Variants in CCSER1 observed in about 807,000 individuals in gnomAD.
The protein encoded by CCSER1 is coiled-coil serine rich protein 1, also known as serine-rich coiled-coil domain-containing protein 1.
A neutral mutation model predicts 82.0 loss-of-function variants in CCSER1; 41 were observed. The observed-to-expected ratio is 0.50, with a 90% CI of 0.39 to 0.65. The LOEUF is 0.65. CCSER1 is among the 30% of genes least tolerant of loss of function. The pLI is 0.00. For missense variants in CCSER1, 1,119 were observed against 1,064.2 expected, an observed-to-expected ratio of 1.05 and a Z score of -0.72; for synonymous variants, 414 against 383.9, an observed-to-expected ratio of 1.08 and a Z score of -0.92.
At chr4:90,653,319 G>A (rs553377383) in intron 6 of CCSER1, among the ~76,000 whole-genome samples, 19 of 152,144 alleles carry the variant, frequency 1.2e-4, no homozygotes, top group African/African-American at 3.9e-4. Flanking sequence ...GAAACACTGC[G>A]CAGTGGTATC....
intron 3 of CCSER1, among the ~76,000 whole-genome samples, chr4:90,335,339 T>C (rs890748197): frequency 3.9e-5 from 6 of 152,188 alleles, no homozygotes; most frequent in African/African-American, 1.4e-4. Flanking sequence ...TAAAGTGAAC[T>C]TAAAGATGAC....
At chr4:91,013,555 T>TC (rs56675924) in intron 9 of CCSER1, among the ~76,000 whole-genome samples, 1 of 131,376 alleles carries the variant, frequency 7.6e-6, no homozygotes, top group African/African-American at 2.5e-5. Context: ...TATATTTTTT[T>TC]GCTAGTCTGT....
intron 10 of CCSER1, among the ~76,000 whole-genome samples, chr4:91,090,144 A>G (rs941667290): frequency 1.3e-5 from 2 of 152,200 alleles, no homozygotes; most frequent in African/African-American, 4.8e-5. Flanking sequence ...TCAGGGGGCC[A>G]TTCATCATCT....
chr4:90,509,459 A>T (rs1771175561), intron 5 of CCSER1, among the ~76,000 whole-genome samples: 1 of 152,178 alleles, frequency 6.6e-6, no homozygotes, highest in Admixed American at 6.5e-5. Context: ...TAAGACAGTT[A>T]TACTGATTAA....
intron 4 of CCSER1, among the ~76,000 whole-genome samples, chr4:90,424,394 G>C (rs141925088): frequency 6.6e-6 from 1 of 152,138 alleles, no homozygotes; most frequent in East Asian, 1.9e-4. Context: ...AATCATGTTT[G>C]CTTTTTTGTT....
Position 91,602,356 on chromosome 4 carries a change from A to T in CCSER1, c.*3299A>T, listed in dbSNP as rs977248157. On this transcript the variant is annotated 3_prime_UTR_variant, in exon 11 of 11. Coordinates refer to ENST00000509176, the MANE Select transcript of CCSER1 (RefSeq NM_001145065.2). ...TGTTTAATAGAGATAATAACCATAC[A>T]CCCCTCTCCAGAAAAAAGTTTTTAA... Among the ~76,000 whole-genome samples the T allele has an allele frequency of 2.0e-5, 3 of 151,778 alleles. No homozygotes were observed. Among genetic ancestry groups the T allele is most frequent in the African/African-American group, 7.2e-5 (3 of 41,384 alleles).
chr4:90,648,523 G>A (rs574013720), intron 6 of CCSER1, among the ~76,000 whole-genome samples: 5 of 58,862 alleles, frequency 8.5e-5, no homozygotes, highest in African/African-American at 2.9e-4. Flanking sequence ...AACCACCAAT[G>A]TGACTGTATT....
chr4:91,234,637 T>A (rs1738865281), intron 10 of CCSER1, among the ~76,000 whole-genome samples: 1 of 152,104 alleles, frequency 6.6e-6, no homozygotes, highest in African/African-American at 2.4e-5. Flanking sequence ...CCATTTATAG[T>A]CCAGATGGAA....
intron 9 of CCSER1, among the ~76,000 whole-genome samples, chr4:91,046,594 T>A (rs1250803066): frequency 6.6e-6 from 1 of 152,222 alleles, no homozygotes; most frequent in African/African-American, 2.4e-5. Flanking sequence ...TCATTCACAC[T>A]ATGGATGAAC....
intron 6 of CCSER1, among the ~76,000 whole-genome samples, chr4:90,636,516 G>A (rs984887308): frequency 6.6e-6 from 1 of 151,896 alleles, no homozygotes; most frequent in Non-Finnish European, 1.5e-5. Flanking sequence ...TGTAAATAAT[G>A]ACCTATTTGC....
chr4:90,855,441 T>G (rs751965307), intron 8 of CCSER1, among the ~76,000 whole-genome samples: 2 of 152,128 alleles, frequency 1.3e-5, no homozygotes, highest in African/African-American at 2.4e-5. Flanking sequence ...TAAATAAATA[T>G]TTTGTTTATT....
chr4:90,603,469 G>A (rs1480556575), intron 5 of CCSER1, among the ~76,000 whole-genome samples: 1 of 152,130 alleles, frequency 6.6e-6, no homozygotes, highest in Admixed American at 6.5e-5. Flanking sequence ...ATATTTATTG[G>A]CACAATCTAG....
intron 3 of CCSER1, among the ~76,000 whole-genome samples, chr4:90,388,994 C>A (rs1328329901): frequency 6.6e-6 from 1 of 152,098 alleles, no homozygotes; most frequent in Non-Finnish European, 1.5e-5. Flanking sequence ...ATTGTATATT[C>A]AAAGATAAAC....
In CCSER1 at chr4:90,271,850, A is replaced by ATATATATG. The variant is rs1726459380; in HGVS notation, c.-41-36387_-41-36386insGTATATAT. 1.3e-4 allele frequency among the ~76,000 whole-genome samples: 3 copies of ATATATATG among 23,140 alleles called. No individual in the cohort carries two copies. In the African/African-American group the frequency reaches 1.4e-3, roughly 11 times the overall value. 15.2% of individuals were successfully genotyped at this position (23,140 alleles called of 152,430 possible). ...TTTATATATATATATATATATATAT[A>ATATATATG]TATATATATATATTTTTTTTTTTTT... On this transcript the variant is annotated intron_variant, in intron 1 of 10. Transcript: ENST00000509176.
chr4:90,691,542 T>C (rs555706208), intron 6 of CCSER1, among the ~76,000 whole-genome samples: 6 of 138,512 alleles, frequency 4.3e-5, no homozygotes, highest in East Asian at 4.8e-4. Context: ...GTATAATACA[T>C]GTGTACATAT....
At chr4:91,244,516 A>T (rs1263904885) in intron 10 of CCSER1, among the ~76,000 whole-genome samples, 1 of 152,210 alleles carries the variant, frequency 6.6e-6, no homozygotes, top group Non-Finnish European at 1.5e-5. Flanking sequence ...AAGTCAGAGA[A>T]AAGAACAAAA....
chr4:90,759,099 T>C (rs1266371279), intron 7 of CCSER1, among the ~76,000 whole-genome samples: 1 of 152,100 alleles, frequency 6.6e-6, no homozygotes, highest in East Asian at 1.9e-4. Context: ...AATTCGAAGA[T>C]CCATTATTAA....
chr4:90,205,444 T>C (rs1738619095), intron 1 of CCSER1, among the ~76,000 whole-genome samples: 1 of 152,220 alleles, frequency 6.6e-6, no homozygotes, highest in Non-Finnish European at 1.5e-5. Context: ...TTTCTGCATC[T>C]ATTGAGATAA....
At chr4:91,064,485 G>A (rs749975278) in intron 9 of CCSER1, among the ~76,000 whole-genome samples, 3 of 152,168 alleles carry the variant, frequency 2.0e-5, no homozygotes, top group African/African-American at 4.8e-5. Context: ...TCTTTCTTCC[G>A]GCAATTAAAT....
Sources: gnomAD v4.1 joint callset for allele counts (sites outside exome capture counted in the v4.1 genomes callset) on GRCh38, gnomAD v4.1.1 for gene constraint, MANE v1.5 for transcripts, NCBI Gene and HGNC (gene_info 2026-07-23, HGNC 2026-07-21) for gene names.